Variants in LRFN5 observed in about 807,000 individuals in gnomAD.
LRFN5 encodes leucine rich repeat and fibronectin type III domain containing 5, also known as leucine-rich repeat and fibronectin type-III domain-containing protein 5.
In LRFN5, 24 loss-of-function variants were observed where a neutral mutation model predicts 45.6. The observed-to-expected ratio is 0.53, with a 90% confidence interval of 0.38 to 0.74. The LOEUF (loss-of-function observed/expected upper bound fraction) is 0.74, where lower values mean the gene tolerates loss of function less well. LRFN5 is among the 30% of genes least tolerant of loss of function. The pLI is 0.00. For synonymous variants in LRFN5, 340 were observed against 313.8 expected (o/e 1.08, Z -0.88); for missense variants, 776 against 861.5 (o/e 0.90, Z 1.24).
chr14:41,743,551 A>G (rs2068090401), intron 1 of LRFN5, among the ~76,000 whole-genome samples: 1 of 152,220 alleles, frequency 6.6e-6, no homozygotes, highest in Non-Finnish European at 1.5e-5. Context: ...GAAAATGAAA[A>G]TGTTGACCAA....
chr14:41,680,915 GAGAT>G (rs1566618551), intron 1 of LRFN5, among the ~76,000 whole-genome samples: 2 of 151,800 alleles, frequency 1.3e-5, no homozygotes, highest in South Asian at 4.1e-4. Flanking sequence ...ATTTAACAAA[GAGAT>G]AGAAACAATT....
chr14:41,625,423 C>G (rs1202078551), intron 1 of LRFN5, among the ~76,000 whole-genome samples: 1 of 152,070 alleles, frequency 6.6e-6, no homozygotes, highest in African/African-American at 2.4e-5. Flanking sequence ...TAACTTCTGC[C>G]ACGGTTGTAA....
chr14:41,702,486 A>G (rs975125843), intron 1 of LRFN5, among the ~76,000 whole-genome samples: 1 of 152,050 alleles, frequency 6.6e-6, no homozygotes, highest in African/African-American at 2.4e-5. Context: ...TTTTAGAGAC[A>G]GGGTCTCGCT....
chr14:41,698,922 G>T (rs1882725278), intron 1 of LRFN5, among the ~76,000 whole-genome samples: 1 of 151,998 alleles, frequency 6.6e-6, no homozygotes, highest in African/African-American at 2.4e-5. Context: ...TTCAGAAATT[G>T]AGTGAGCAGT....
intron 2 of LRFN5, among the ~76,000 whole-genome samples, chr14:41,788,580 C>T (rs1886811826): frequency 6.6e-6 from 1 of 152,054 alleles, no homozygotes; most frequent in Admixed American, 6.6e-5. Flanking sequence ...TCCATCTCCT[C>T]TCTCCAGGGA....
intron 1 of LRFN5, among the ~76,000 whole-genome samples, chr14:41,737,601 C>G (rs535910027): frequency 6.6e-6 from 1 of 151,986 alleles, no homozygotes; most frequent in Non-Finnish European, 1.5e-5. Flanking sequence ...TTTAGAAAAC[C>G]CCATCATCTC....
intron 2 of LRFN5, among the ~76,000 whole-genome samples, chr14:41,863,346 T>A (rs73303338): frequency 5.8e-4 from 89 of 152,356 alleles, no homozygotes; most frequent in African/African-American, 2.0e-3. Context: ...TTAAAACATT[T>A]GAAGATTGAT....
chr14:41,637,253 G>C (rs1879347421), intron 1 of LRFN5, among the ~76,000 whole-genome samples: 1 of 152,082 alleles, frequency 6.6e-6, no homozygotes, highest in Non-Finnish European at 1.5e-5. Flanking sequence ...ATTGTAACTA[G>C]GGAGAGTTGT....
chr14:41,620,521 T>C (rs1286520999), intron 1 of LRFN5, among the ~76,000 whole-genome samples: 1 of 152,076 alleles, frequency 6.6e-6, no homozygotes, highest in Non-Finnish European at 1.5e-5. Flanking sequence ...TAACTTGATT[T>C]TGTTTTCTAT....
intron 1 of LRFN5, among the ~76,000 whole-genome samples, chr14:41,691,814 A>T (rs1043285356): frequency 9.2e-5 from 14 of 151,910 alleles, no homozygotes; most frequent in African/African-American, 3.1e-4. Context: ...AACACTGTGG[A>T]TTAGTTTTGC....
rs1326830785 is a variant in LRFN5 at position 41,670,278 on chromosome 14, TATATATATATATATATATATATATATAC to T, written c.-197+61718_-197+61745del. ...ACAGATATATATATATATATATATATATATATATATATATATATATATATATACACACACACAGAAAGAACCCCTGGAA... is the reference window on the plus strand; with the variant it reads ...ACAGATATATATATATATATATATATACACACACAGAAAGAACCCCTGGAA... On this transcript the variant is annotated intron_variant, in intron 1 of 5. Coordinates refer to ENST00000298119, the MANE Select transcript of LRFN5 (RefSeq NM_152447.5). Among the ~76,000 whole-genome samples, 42 of 63,122 alleles carry T rather than the reference TATATATATATATATATATATATATATAC, an allele frequency of 6.7e-4. 1 individual carries two copies. The highest frequency in any genetic ancestry group is 8.5e-3 in the Middle Eastern group (1 of 118). 41.4% of individuals were successfully genotyped at this position (63,122 alleles called of 152,430 possible).
intron 2 of LRFN5, among the ~76,000 whole-genome samples, chr14:41,853,305 G>C (rs1257752659): frequency 6.6e-6 from 1 of 152,004 alleles, no homozygotes; most frequent in African/African-American, 2.4e-5. Flanking sequence ...GATACAATAA[G>C]TGGAACATTG....
intron 2 of LRFN5, among the ~76,000 whole-genome samples, chr14:41,858,973 T>C (rs758418378): frequency 1.2e-4 from 18 of 152,184 alleles, no homozygotes; most frequent in Non-Finnish European, 1.6e-4. Context: ...ACTGATTATG[T>C]GAATTGAGAG....
intron 2 of LRFN5, among the ~76,000 whole-genome samples, chr14:41,785,313 T>C (rs911188386): frequency 5.3e-5 from 8 of 152,150 alleles, no homozygotes; most frequent in Non-Finnish European, 1.2e-4. Context: ...TTTTGTTCTA[T>C]TTGTCCCCTA....
In LRFN5 at chr14:41,765,475, T is replaced by G. The variant is rs1364992297; in HGVS notation, c.-196-1379T>G. Among the ~76,000 whole-genome samples, 3 of 152,002 alleles carry G rather than the reference T, an allele frequency of 2.0e-5. No homozygotes were observed. In the East Asian group the frequency reaches 5.8e-4, roughly 29 times the overall value. ...CTATTTCTGAAAGAATGTTCTAAAA[T>G]GTGAAATTGGTTTTCTCCGAGGAGG... On this transcript the variant is annotated intron_variant, in intron 1 of 5. Transcript: ENST00000298119.
intron 2 of LRFN5, among the ~76,000 whole-genome samples, chr14:41,844,504 G>T (rs1307087613): frequency 3.3e-5 from 5 of 151,812 alleles, no homozygotes; most frequent in African/African-American, 9.7e-5. Context: ...GGTAAGATGG[G>T]AATTTCTACA....
At chr14:41,882,533 A>G (rs1324249643) in intron 2 of LRFN5, among the ~76,000 whole-genome samples, 3 of 151,762 alleles carry the variant, frequency 2.0e-5, no homozygotes, top group Admixed American at 6.6e-5. Flanking sequence ...TCCTTCCTCA[A>G]TTTTTTTCTC....
chr14:41,617,595 T>G (rs10483526), intron 1 of LRFN5, among the ~76,000 whole-genome samples: 59,325 of 152,008 alleles, frequency 0.39, 13,048 homozygotes, highest in Non-Finnish European at 0.51. Context: ...TGCCATGTCT[T>G]ATATCTGTAT....
At chr14:41,668,874 C>T (rs972841509) in intron 1 of LRFN5, among the ~76,000 whole-genome samples, 3 of 151,986 alleles carry the variant, frequency 2.0e-5, no homozygotes, top group African/African-American at 7.2e-5. Flanking sequence ...ATCTGTTGAA[C>T]GTAGCTCTGA....
Sources: allele counts gnomAD v4.1 joint callset (sites outside exome capture counted in the v4.1 genomes callset), GRCh38; gene constraint gnomAD v4.1.1; transcripts MANE v1.5; gene names NCBI Gene and HGNC (gene_info 2026-07-23, HGNC 2026-07-21).